The following SLC2A12 variants were observed in gnomAD, a reference collection of about 807,000 sequenced individuals.
SLC2A12 encodes solute carrier family 2 member 12.
Under a neutral mutation model 41.8 loss-of-function variants are expected in SLC2A12, and 23 were observed. That is an observed-to-expected ratio of 0.55 (90% CI 0.40 to 0.78). The LOEUF (loss-of-function observed/expected upper bound fraction) is 0.78, where lower values mean the gene tolerates loss of function less well. SLC2A12 is among the 30% of genes least tolerant of loss of function. The probability of loss-of-function intolerance (pLI) is 0.00; values close to 1 mark genes in which losing one functional copy is unlikely to be tolerated. For synonymous variants in SLC2A12, 295 were observed against 285.9 expected, an observed-to-expected ratio of 1.03 and a Z score of -0.32; for missense variants, 654 against 745.6, an observed-to-expected ratio of 0.88 and a Z score of 1.43.
intron 1 of SLC2A12, among the ~76,000 whole-genome samples, chr6:134,036,158 C>G (rs1027383736): frequency 3.3e-5 from 5 of 152,202 alleles, no homozygotes; most frequent in Non-Finnish European, 7.3e-5. Context: ...CATGCACACA[C>G]AGGTGGTTTC....
At chr6:134,005,858 A>G (rs1776806692) in intron 3 of SLC2A12, among the ~76,000 whole-genome samples, 1 of 151,762 alleles carries the variant, frequency 6.6e-6, no homozygotes, top group African/African-American at 2.4e-5. Flanking sequence ...TCTAATAGCA[A>G]TTTACAAGAA....
chr6:133,999,970 C>T (rs552057251), intron 4 of SLC2A12, among the ~76,000 whole-genome samples: 42 of 152,262 alleles, frequency 2.8e-4, no homozygotes, highest in African/African-American at 9.9e-4. Context: ...GATACATTGG[C>T]TTATCAAAGT....
At chr6:133,994,620 C>T (rs866984672) in intron 4 of SLC2A12, among the ~76,000 whole-genome samples, 72 of 152,132 alleles carry the variant, frequency 4.7e-4, no homozygotes, top group Middle Eastern at 3.4e-3. Context: ...CCCAGCTACT[C>T]GGGAGGCTGA....
At chr6:134,011,739 T>A (rs1776886879) in intron 2 of SLC2A12, among the ~76,000 whole-genome samples, 1 of 151,030 alleles carries the variant, frequency 6.6e-6, no homozygotes, top group Non-Finnish European at 1.5e-5. Context: ...CTCAAAAAAA[T>A]AAATAAATAA....
chr6:134,014,399 C>T (rs1023157429), intron 2 of SLC2A12, among the ~76,000 whole-genome samples: 8 of 152,048 alleles, frequency 5.3e-5, no homozygotes, highest in African/African-American at 1.9e-4. Context: ...GAACCCCTAC[C>T]CCGGAGCATG....
chr6:133,995,570 T>C (rs1340744392), intron 4 of SLC2A12, among the ~76,000 whole-genome samples: 4 of 152,184 alleles, frequency 2.6e-5, no homozygotes, highest in African/African-American at 9.7e-5. Flanking sequence ...TGACTAGGGA[T>C]ATGTGTGATT....
chr6:134,004,492 C>T (rs9373075), intron 3 of SLC2A12, among the ~76,000 whole-genome samples: 34,900 of 152,024 alleles, frequency 0.23, 4,296 homozygotes, highest in African/African-American at 0.31. Context: ...TATATGCATG[C>T]TTTTCAGCAA....
rs1207918581 is a variant in SLC2A12 at position 133,990,087 on chromosome 6, C to G, written c.*1068G>C. 6.6e-6 allele frequency: 1 copy of G among 152,586 alleles called. No homozygotes were observed. Among genetic ancestry groups the G allele is most frequent in the Non-Finnish European group, 1.5e-5 (1 of 68,024 alleles). The allele number at this position is 152,586 out of a possible 1,614,324, so 9.5% of individuals were successfully genotyped here. On this transcript the variant is annotated 3_prime_UTR_variant, in exon 5 of 5. Transcript: ENST00000275230. ...CAGTTCATCGTTGTGTGGGTGAAAC[C>G]CACGTTGCTGGTACAGGTGGCCATC...
Position 133,991,507 on chromosome 6 carries a change from C to T in SLC2A12, c.1701-199G>A, listed in dbSNP as rs541469492. 2.2e-4 allele frequency among the ~76,000 whole-genome samples: 33 copies of T among 152,286 alleles called. No homozygotes were observed. The East Asian group carries it at 3.1e-3, about 14-fold the overall frequency. ...TTGGTCAATCTCATGCAAGGGGTAA[C>T]GGTGTCTTCTCAGAATACAATCCCA... is the stretch of plus-strand genomic sequence containing the variant. On this transcript the variant is annotated intron_variant, in intron 4 of 4. Coordinates refer to ENST00000275230, the MANE Select transcript of SLC2A12 (RefSeq NM_145176.3).
At chr6:134,018,193 A>C (rs1024154202) in intron 2 of SLC2A12, among the ~76,000 whole-genome samples, 4 of 152,154 alleles carry the variant, frequency 2.6e-5, no homozygotes, top group African/African-American at 9.7e-5. Flanking sequence ...AGAACTGTTC[A>C]CCTCATGTCT....
At chr6:134,022,273 G>A (rs563454446) in intron 2 of SLC2A12, among the ~76,000 whole-genome samples, 2 of 152,306 alleles carry the variant, frequency 1.3e-5, no homozygotes, top group East Asian at 3.9e-4. Context: ...GCTCATGCCT[G>A]TAATCCCAGC....
chr6:134,035,480 A>G (rs1201068595), intron 1 of SLC2A12, among the ~76,000 whole-genome samples: 1 of 152,154 alleles, frequency 6.6e-6, no homozygotes, highest in Non-Finnish European at 1.5e-5. Context: ...TCAGTTTATT[A>G]CTATTGACTC....
In SLC2A12 at chr6:133,988,431, G is replaced by A. The variant is rs981310407; in HGVS notation, c.*2724C>T. 6.6e-6 allele frequency: 1 copy of A among 152,070 alleles called. No homozygotes were observed. Among genetic ancestry groups the A allele is most frequent in the Admixed American group, 6.6e-5 (1 of 15,252 alleles). 9.4% of individuals were successfully genotyped at this position (152,070 alleles called of 1,614,324 possible). A position where few individuals can be genotyped will look rare whatever the true frequency, so the allele number is the denominator to read the frequency against. On this transcript the variant is annotated 3_prime_UTR_variant, in exon 5 of 5. Coordinates refer to ENST00000275230, the MANE Select transcript of SLC2A12 (RefSeq NM_145176.3). ...AGCTTCTCAGGAGAAACTTAATGGG[G>A]ACAATATTCCAACACAATGTTCCAC... is the stretch of plus-strand genomic sequence containing the variant.
intron 4 of SLC2A12, among the ~76,000 whole-genome samples, chr6:133,999,457 G>A (rs543532464): frequency 6.6e-6 from 1 of 152,306 alleles, no homozygotes; most frequent in East Asian, 1.9e-4. Context: ...CTGGCCTCAG[G>A]ACTTGTGCTG....
chr6:134,052,041 T>G (rs1006392890), intron 1 of SLC2A12, among the ~76,000 whole-genome samples: 1 of 152,134 alleles, frequency 6.6e-6, no homozygotes, highest in Admixed American at 6.5e-5. Context: ...CGTTCCAATA[T>G]GAAAAACATC....
At chr6:134,036,349 C>A (rs1416502372) in intron 1 of SLC2A12, among the ~76,000 whole-genome samples, 4 of 152,204 alleles carry the variant, frequency 2.6e-5, no homozygotes, top group African/African-American at 7.2e-5. Flanking sequence ...TCCCTGAACG[C>A]CTTTGTTCCC....
chr6:134,047,994 A>T (rs955111101), intron 1 of SLC2A12, among the ~76,000 whole-genome samples: 1 of 152,206 alleles, frequency 6.6e-6, no homozygotes, highest in African/African-American at 2.4e-5. Flanking sequence ...TCTGGGTGAC[A>T]CATCCTTAGA....
rs1287358429 is a variant in SLC2A12 at position 133,989,564 on chromosome 6, G to C, written c.*1591C>G. Reference sequence around the variant, plus strand: ...AAAAACAAAAAACAATGCATGCTCTGATTTGCGTATGAAATACACCATGAT... The same window carrying C: ...AAAAACAAAAAACAATGCATGCTCTCATTTGCGTATGAAATACACCATGAT... On this transcript the variant is annotated 3_prime_UTR_variant, in exon 5 of 5. Transcript: ENST00000275230. The C allele has an allele frequency of 1.3e-5, 2 of 152,264 alleles. No individual in the cohort carries two copies. Among genetic ancestry groups the C allele is most frequent in the East Asian group, 3.9e-4 (2 of 5,184 alleles). The allele number at this position is 152,264 out of a possible 1,614,324, so 9.4% of individuals were successfully genotyped here.
chr6:134,027,724 G>A (rs929493200), intron 2 of SLC2A12, among the ~76,000 whole-genome samples: 5 of 152,088 alleles, frequency 3.3e-5, no homozygotes, highest in East Asian at 1.9e-4. Flanking sequence ...CCCAAGAGAG[G>A]TGTTTATACT....
Sources: allele counts gnomAD v4.1 joint callset (sites outside exome capture counted in the v4.1 genomes callset), GRCh38; gene constraint gnomAD v4.1.1; transcripts MANE v1.5; gene names NCBI Gene and HGNC (gene_info 2026-07-23, HGNC 2026-07-21).